The following ME1 variants were observed in gnomAD, a reference collection of about 807,000 sequenced individuals.
ME1 encodes the protein malic enzyme 1.
In ME1, 74 loss-of-function variants were observed where a neutral mutation model predicts 66.4. The observed-to-expected ratio is 1.11, with a 90% CI of 0.92 to 1.35. The LOEUF is 1.35. ME1 is among the 40% of genes most tolerant of loss of function. ME1 has a pLI of 0.00. For synonymous variants in ME1, 251 were observed against 235.6 expected, an observed-to-expected ratio of 1.07 and a Z score of -0.60; for missense variants, 750 against 694.1, an observed-to-expected ratio of 1.08 and a Z score of -0.90.
At chr6:83,260,076 T>G (rs552391147) in intron 6 of ME1, among the ~76,000 whole-genome samples, 1 of 152,128 alleles carries the variant, frequency 6.6e-6, no homozygotes, top group South Asian at 2.1e-4. Flanking sequence ...GAATGAGAGA[T>G]AAATAATTAA....
intron 12 of ME1, among the ~76,000 whole-genome samples, chr6:83,218,508 A>G (rs998612391): frequency 6.6e-6 from 1 of 152,168 alleles, no homozygotes; most frequent in Non-Finnish European, 1.5e-5. Context: ...TAAGCTGTAT[A>G]CATTCCCATC....
intron 3 of ME1, chr6:83,392,287 CA>C (rs1769636637): frequency 2.0e-6 from 1 of 502,736 alleles, no homozygotes; most frequent in African/African-American, 2.1e-5. Flanking sequence ...ATGACCCCTT[CA>C]TTGACCTCAA....
chr6:83,405,745 G>A (rs1295055043), intron 2 of ME1, among the ~76,000 whole-genome samples: 68 of 140,032 alleles, frequency 4.9e-4, no homozygotes, highest in Admixed American at 2.0e-3. Flanking sequence ...TTTTTGAGAC[G>A]GAGTCTCGCT....
At chr6:83,399,385 GTTTTA>G (rs1238554324) in intron 2 of ME1, among the ~76,000 whole-genome samples, 1 of 152,120 alleles carries the variant, frequency 6.6e-6, no homozygotes, top group Non-Finnish European at 1.5e-5. Flanking sequence ...AAATAGCACA[GTTTTA>G]TTTAATACTT....
intron 1 of ME1, among the ~76,000 whole-genome samples, chr6:83,408,940 T>TTCA (rs1319652488): frequency 1.3e-5 from 2 of 152,072 alleles, no homozygotes; most frequent in Admixed American, 6.6e-5. Flanking sequence ...CACATTGAAA[T>TTCA]CCTCACCCCC....
chr6:83,246,819 C>T (rs930743207), intron 7 of ME1, among the ~76,000 whole-genome samples: 3 of 152,082 alleles, frequency 2.0e-5, no homozygotes, highest in Non-Finnish European at 4.4e-5. Flanking sequence ...ATCTATACTT[C>T]TACCATCAAT....
At chr6:83,212,904 C>T (rs1258821092) in intron 13 of ME1, among the ~76,000 whole-genome samples, 2 of 152,152 alleles carry the variant, frequency 1.3e-5, no homozygotes, top group African/African-American at 4.8e-5. Flanking sequence ...AGAAAATGAC[C>T]TTAATTTCCC....
chr6:83,283,003 C>T (rs1421292584), intron 6 of ME1, among the ~76,000 whole-genome samples: 3 of 151,172 alleles, frequency 2.0e-5, no homozygotes, highest in South Asian at 2.1e-4. Context: ...CCGAGGTGGG[C>T]GGATCACGAG....
intron 1 of ME1, among the ~76,000 whole-genome samples, chr6:83,424,841 T>C (rs1770338122): frequency 6.6e-6 from 1 of 152,204 alleles, no homozygotes; most frequent in Admixed American, 6.5e-5. Context: ...GATTTTATTC[T>C]ATGGCTTCTC....
chr6:83,403,546 T>C lies in ME1; in HGVS notation c.212+4222A>G, dbSNP rs972555193. Among the ~76,000 whole-genome samples, 4 of 152,170 alleles carry C rather than the reference T, an allele frequency of 2.6e-5. 1 individual carries two copies. In the East Asian group the frequency reaches 7.7e-4, roughly 29 times the overall value. ...TACATGTGCAGAATGTGAGGTTTGT[T>C]ACATAGGTATACATGTGCCATGGTG... On this transcript the variant is annotated intron_variant, in intron 2 of 13. Coordinates refer to ENST00000369705, the MANE Select transcript of ME1 (RefSeq NM_002395.6).
chr6:83,237,694 G>T, intron 9 of ME1, 23 bp downstream of exon 9: 1 of 1,393,166 alleles, frequency 7.2e-7, no homozygotes, highest in Non-Finnish European at 1.0e-6. Context: ...TCTTTATTCT[G>T]GTTAAAAATG....
intron 9 of ME1, among the ~76,000 whole-genome samples, chr6:83,237,280 G>GA (rs1562455285): frequency 0.022 from 478 of 21,530 alleles, 29 homozygotes; most frequent in African/African-American, 0.027. Flanking sequence ...AGAAAGAAAG[G>GA]AAGGAAGGAA....
chr6:83,324,990 C>T (rs1768259557), intron 5 of ME1, among the ~76,000 whole-genome samples: 1 of 135,906 alleles, frequency 7.4e-6, no homozygotes, highest in African/African-American at 2.7e-5. Flanking sequence ...AAACCGAATC[C>T]AGCAGCACAT....
chr6:83,388,662 C>T (rs1363414329), intron 3 of ME1, among the ~76,000 whole-genome samples: 1 of 152,136 alleles, frequency 6.6e-6, no homozygotes, highest in Non-Finnish European at 1.5e-5. Context: ...CTGTTTTTCT[C>T]CAGTTAATTC....
intron 9 of ME1, among the ~76,000 whole-genome samples, chr6:83,234,033 T>A (rs1336573154): frequency 6.6e-6 from 1 of 152,104 alleles, no homozygotes; most frequent in Non-Finnish European, 1.5e-5. Flanking sequence ...TTTTGGCAAG[T>A]AAAAGACACG....
intron 3 of ME1, among the ~76,000 whole-genome samples, chr6:83,395,308 T>A (rs538544298): frequency 1.2e-3 from 189 of 151,518 alleles, no homozygotes; most frequent in African/African-American, 4.4e-3. Flanking sequence ...GCTGGTCTCG[T>A]ACTCCTGACC....
At chr6:83,327,580 GAC>G (rs1234636748) in intron 5 of ME1, among the ~76,000 whole-genome samples, 2 of 152,114 alleles carry the variant, frequency 1.3e-5, no homozygotes, top group African/African-American at 4.8e-5. Flanking sequence ...ATTTTGGTCA[GAC>G]CAGTTGATCT....
rs1326733395 is a variant in ME1 at position 83,211,918 on chromosome 6, A to G, written c.*6T>C. ...ATTAATAGAGTTAGAAATGTTTGCT[A>G]TTATCCTACTGGTCAACTTTGGTCT... On this transcript the variant is annotated 3_prime_UTR_variant, in exon 14 of 14. Coordinates refer to ENST00000369705, the MANE Select transcript of ME1 (RefSeq NM_002395.6). The G allele has an allele frequency of 1.0e-5, 16 of 1,573,456 alleles. No homozygotes were observed. In the African/African-American group the frequency reaches 1.5e-4, roughly 15 times the overall value.
At chr6:83,237,300 GAAAAA>G (rs1790429511) in intron 9 of ME1, among the ~76,000 whole-genome samples, 2 of 52,456 alleles carry the variant, frequency 3.8e-5, no homozygotes, top group African/African-American at 7.7e-5. Flanking sequence ...AGGAAAGAAA[GAAAAA>G]GAAAGAAAGA....
Sources: allele counts gnomAD v4.1 joint callset (sites outside exome capture counted in the v4.1 genomes callset), GRCh38; gene constraint gnomAD v4.1.1; transcripts MANE v1.5; gene names NCBI Gene and HGNC (gene_info 2026-07-23, HGNC 2026-07-21).